The following ELF1 variants were observed in gnomAD, a reference collection of about 807,000 sequenced individuals.
ELF1 encodes E74 like ETS transcription factor 1, also known as ETS-related transcription factor Elf-1.
A neutral mutation model predicts 59.9 loss-of-function variants in ELF1; 24 were observed. That is an observed-to-expected ratio of 0.40 (90% confidence interval 0.29 to 0.56). The LOEUF is 0.56. Among genes scored for constraint, ELF1 ranks in the 20% least tolerant of loss-of-function variants. The pLI is 0.44. For synonymous variants in ELF1, 248 were observed against 266.2 expected (o/e 0.93, Z 0.67); for missense variants, 627 against 742.2 (o/e 0.84, Z 1.80).
chr13:41,001,765 C>G (rs1470578448), intron 1 of ELF1, among the ~76,000 whole-genome samples: 1 of 152,066 alleles, frequency 6.6e-6, no homozygotes, highest in Admixed American at 6.6e-5. Flanking sequence ...GGGGCTGAAG[C>G]AGGAAGATCA....
upstream of ELF1, among the ~76,000 whole-genome samples, chr13:41,021,542 G>A (rs1265980829): frequency 6.6e-6 from 1 of 152,158 alleles, no homozygotes; most frequent in Non-Finnish European, 1.5e-5. Context: ...ACAGGTTCTA[G>A]TCAATCTACT....
At chr13:41,019,348 G>A (rs1042839327), upstream of ELF1, 1 of 985,298 alleles carries the variant, frequency 1.0e-6, no homozygotes, top group African/African-American at 1.7e-5. Flanking sequence ...CAGCTTATGA[G>A]TCATACATGA....
intron 8 of ELF1, among the ~76,000 whole-genome samples, chr13:40,938,890 T>C (rs924510791): frequency 6.6e-6 from 1 of 152,058 alleles, no homozygotes; most frequent in African/African-American, 2.4e-5. Flanking sequence ...TGCTATCAAT[T>C]TGTGAATTTA....
chr13:41,044,279 A>G (rs1876748015), intron 1 of ELF1, among the ~76,000 whole-genome samples: 1 of 152,064 alleles, frequency 6.6e-6, no homozygotes, highest in Non-Finnish European at 1.5e-5. Context: ...CTAATTGAAT[A>G]CCCTTTATTT....
chr13:41,010,841 T>C (rs1034005992), intron 1 of ELF1, among the ~76,000 whole-genome samples: 6 of 152,176 alleles, frequency 3.9e-5, no homozygotes, highest in Non-Finnish European at 7.4e-5. Flanking sequence ...ATTTGTTCTT[T>C]GTCCATGCCA....
intron 1 of ELF1, among the ~76,000 whole-genome samples, chr13:41,048,786 C>T (rs763617709): frequency 1.3e-5 from 2 of 151,776 alleles, no homozygotes; most frequent in South Asian, 2.1e-4. Flanking sequence ...TGTCACACAC[C>T]GCAACCCCAA....
At chr13:41,059,099 T>C (rs537942032) in intron 1 of ELF1, among the ~76,000 whole-genome samples, 2 of 152,396 alleles carry the variant, frequency 1.3e-5, no homozygotes, top group South Asian at 2.1e-4. Flanking sequence ...AACTGCTTCT[T>C]AATAATGACA....
chr13:40,957,205 A>AG (rs1355920218), intron 3 of ELF1, among the ~76,000 whole-genome samples: 3 of 128,926 alleles, frequency 2.3e-5, no homozygotes, highest in African/African-American at 8.1e-5. Context: ...TTGGACTGCC[A>AG]GCTGCAAGGC....
At chr13:41,053,377 T>C (rs924208280) in intron 1 of ELF1, among the ~76,000 whole-genome samples, 5 of 152,018 alleles carry the variant, frequency 3.3e-5, no homozygotes, top group Non-Finnish European at 7.4e-5. Context: ...ATTAAGATCA[T>C]TAACATTATA....
chr13:40,949,691 T>C (rs1176800988), intron 5 of ELF1, 115 bp downstream of exon 5: 1 of 1,291,678 alleles, frequency 7.7e-7, no homozygotes. Flanking sequence ...GTGCCTTCAA[T>C]GTTTTTCTTA....
intron 3 of ELF1, among the ~76,000 whole-genome samples, chr13:40,952,952 A>C (rs917445321): frequency 5.3e-5 from 8 of 150,438 alleles, no homozygotes; most frequent in African/African-American, 2.0e-4. Context: ...TACTACTATC[A>C]TATCTTAAAT....
intron 2 of ELF1, among the ~76,000 whole-genome samples, chr13:40,978,689 T>A (rs1316385448): frequency 6.6e-6 from 1 of 150,892 alleles, no homozygotes; most frequent in South Asian, 2.1e-4. Flanking sequence ...AAGAAAACTC[T>A]AATTGAAAAT....
intron 1 of ELF1, among the ~76,000 whole-genome samples, chr13:40,983,696 A>G (rs1162551769): frequency 6.6e-6 from 1 of 151,978 alleles, no homozygotes; most frequent in Non-Finnish European, 1.5e-5. Flanking sequence ...AGGGAAAAAA[A>G]AAGTGTTTTG....
At chr13:41,005,836 T>C (rs371160838) in intron 1 of ELF1, among the ~76,000 whole-genome samples, 1 of 152,190 alleles carries the variant, frequency 6.6e-6, no homozygotes, top group Non-Finnish European at 1.5e-5. Context: ...TCCTTAAGAA[T>C]GAATTCAATT....
intron 1 of ELF1, among the ~76,000 whole-genome samples, chr13:41,032,295 G>A (rs1876197926): frequency 6.6e-6 from 1 of 150,472 alleles, no homozygotes; most frequent in Non-Finnish European, 1.5e-5. Context: ...TCGGCTCACT[G>A]CAACCTCTGC....
intron 1 of ELF1, among the ~76,000 whole-genome samples, chr13:41,057,872 G>A (rs1166764400): frequency 6.6e-6 from 1 of 152,152 alleles, no homozygotes; most frequent in Admixed American, 6.5e-5. Flanking sequence ...ACGTCTTACT[G>A]ACAGTAGTGA....
At chr13:40,936,741 A>G (rs1329584095) in intron 8 of ELF1, among the ~76,000 whole-genome samples, 2 of 145,436 alleles carry the variant, frequency 1.4e-5, no homozygotes, top group African/African-American at 5.1e-5. Flanking sequence ...AGCCTGGTTG[A>G]CAGAGCAAGA....
chr13:40,977,533 T>A (rs935313570), intron 2 of ELF1, among the ~76,000 whole-genome samples: 2 of 152,134 alleles, frequency 1.3e-5, no homozygotes, highest in Non-Finnish European at 2.9e-5. Context: ...GCAACCCTAT[T>A]AATAGTGTCA....
intron 1 of ELF1, among the ~76,000 whole-genome samples, chr13:41,053,847 C>T (rs1018872884): frequency 6.6e-6 from 1 of 152,004 alleles, no homozygotes; most frequent in Non-Finnish European, 1.5e-5. Flanking sequence ...AAATAAGTAG[C>T]GTAATATAAA....
Sources: gnomAD v4.1 joint callset for allele counts (sites outside exome capture counted in the v4.1 genomes callset) on GRCh38, gnomAD v4.1.1 for gene constraint, MANE v1.5 for transcripts, NCBI Gene and HGNC (gene_info 2026-07-23, HGNC 2026-07-21) for gene names.